The following ASPRV1 variants were observed in gnomAD, a reference collection of about 807,000 sequenced individuals.
The protein encoded by ASPRV1 is aspartic peptidase retroviral like 1, also known as retroviral-like aspartic protease 1.
ASPRV1 carries 7 observed loss-of-function variants against 11.0 expected under a neutral mutation model. The ratio of observed to expected loss-of-function variants is 0.64; its 90% confidence interval spans 0.36 to 1.20. The LOEUF is 1.20. Ranked by LOEUF, ASPRV1 falls within the 50% of genes most tolerant of loss-of-function variation. The probability of loss-of-function intolerance (pLI) is 0.02; values close to 1 mark genes in which losing one functional copy is unlikely to be tolerated. For missense variants in ASPRV1, 299 were observed against 320.0 expected, an observed-to-expected ratio of 0.93 and a Z score of 0.50; for synonymous variants, 136 against 138.4, an observed-to-expected ratio of 0.98 and a Z score of 0.12.
the ASPRV1 span, chr2:70,077,295 T>C: frequency 6.6e-6 from 1 of 152,322 alleles, no homozygotes; most frequent in Admixed American, 6.5e-5. Flanking sequence ...AGGGTTGTTT[T>C]CTTACCTAGC....
the ASPRV1 span, among the ~76,000 whole-genome samples, chr2:69,990,912 G>A: frequency 6.6e-6 from 1 of 152,226 alleles, no homozygotes; most frequent in South Asian, 2.1e-4. Context: ...GGTGTACCCT[G>A]GCAGAGAGGC....
At position 69,960,597 on chromosome 2, in the gene ASPRV1, C is replaced by A. The variant is rs902482505; in HGVS notation, c.*60G>T. The stretch of plus-strand genomic sequence containing the variant: ...AGTGACCCCCATGAGGATATGCAAC[C>A]CCCCCCACAGCGGTGGGTCTTCCCA... On this transcript the variant is annotated 3_prime_UTR_variant, in exon 1 of 1. Transcript: ENST00000320256. 7.3e-6 allele frequency: 11 copies of A among 1,516,066 alleles called. No individual in the cohort carries two copies. The highest frequency in any genetic ancestry group is 8.9e-6 in the Non-Finnish European group (10 of 1,125,146). The allele number at this position is 1,516,066 out of a possible 1,614,324, so 93.9% of individuals were successfully genotyped here. A position where few individuals can be genotyped will look rare whatever the true frequency, so the allele number is the denominator to read the frequency against.
chr2:70,079,700 A>G, the ASPRV1 span, among the ~76,000 whole-genome samples: 1 of 152,358 alleles, frequency 6.6e-6, no homozygotes, highest in East Asian at 1.9e-4. Flanking sequence ...CTGAGATATC[A>G]AGAATAAAAA....
chr2:70,043,145 ACTC>A, the ASPRV1 span, among the ~76,000 whole-genome samples: 1 of 152,074 alleles, frequency 6.6e-6, no homozygotes, highest in Non-Finnish European at 1.5e-5. Flanking sequence ...CTTTGGAAGA[ACTC>A]AGGCCAAAAA....
chr2:70,015,580 A>C, the ASPRV1 span: 1 of 152,350 alleles, frequency 6.6e-6, no homozygotes, highest in Admixed American at 6.5e-5. Context: ...CCAAGGGACA[A>C]CTGTAAATAC....
At chr2:70,056,106 G>A in the ASPRV1 span, 17 of 152,054 alleles carry the variant, frequency 1.1e-4, no homozygotes, top group East Asian at 7.7e-4. Flanking sequence ...CAAAAATACC[G>A]TATAACTCTA....
At chr2:69,938,437 A>G in the ASPRV1 span, 1 of 733,172 alleles carries the variant, frequency 1.4e-6, no homozygotes, top group Non-Finnish European at 2.2e-6. Context: ...GGAGGTGCTT[A>G]GGATTGTGGG....
the ASPRV1 span, among the ~76,000 whole-genome samples, chr2:70,063,605 C>A: frequency 6.6e-6 from 1 of 152,022 alleles, no homozygotes; most frequent in Non-Finnish European, 1.5e-5. Flanking sequence ...GGGAGTTGAA[C>A]CTGACATATT....
the ASPRV1 span, among the ~76,000 whole-genome samples, chr2:70,010,250 G>A: frequency 6.6e-6 from 1 of 152,064 alleles, no homozygotes; most frequent in Non-Finnish European, 1.5e-5. Context: ...AAGCTCTAAG[G>A]ACGTGATAAG....
chr2:69,982,768 G>A, the ASPRV1 span, among the ~76,000 whole-genome samples: 6 of 152,144 alleles, frequency 3.9e-5, no homozygotes, highest in African/African-American at 1.2e-4. Context: ...CAAAACCTTA[G>A]GCCTCTGAAG....
the ASPRV1 span, among the ~76,000 whole-genome samples, chr2:69,989,999 C>G: frequency 6.6e-6 from 1 of 152,228 alleles, no homozygotes; most frequent in Non-Finnish European, 1.5e-5. Flanking sequence ...CTTCATTTAA[C>G]TCTTTTAACC....
the ASPRV1 span, among the ~76,000 whole-genome samples, chr2:69,995,942 A>C: frequency 6.6e-6 from 1 of 152,154 alleles, no homozygotes; most frequent in Non-Finnish European, 1.5e-5. Context: ...TTAAGAACCA[A>C]GGCCTCCTCC....
chr2:70,001,892 T>C, the ASPRV1 span, among the ~76,000 whole-genome samples: 1 of 152,094 alleles, frequency 6.6e-6, no homozygotes, highest in Non-Finnish European at 1.5e-5. Context: ...CATAGTGAAA[T>C]ATAAGCGATC....
the ASPRV1 span, among the ~76,000 whole-genome samples, chr2:70,023,761 C>G: frequency 1.1e-4 from 16 of 150,922 alleles, no homozygotes; most frequent in Admixed American, 1.1e-3. Context: ...TTTTAAAAGT[C>G]CTTTTTTCTA....
downstream of ASPRV1, among the ~76,000 whole-genome samples, chr2:69,955,253 C>T (rs916230204): frequency 6.6e-6 from 1 of 152,194 alleles, no homozygotes; most frequent in African/African-American, 2.4e-5. Flanking sequence ...CTGGCCCTTC[C>T]CTCGCATGGC....
chr2:69,994,072 G>A, the ASPRV1 span: 1 of 152,246 alleles, frequency 6.6e-6, no homozygotes, highest in Non-Finnish European at 1.5e-5. Context: ...TCCAAAGGCA[G>A]ATGGGGCCAA....
At chr2:69,990,545 A>G in the ASPRV1 span, among the ~76,000 whole-genome samples, 14,086 of 152,058 alleles carry the variant, frequency 0.093, 841 homozygotes, top group Non-Finnish European at 0.14. Context: ...TTGTGTGATC[A>G]GGGCTTACTG....
downstream of ASPRV1, among the ~76,000 whole-genome samples, chr2:69,956,189 T>G (rs1677931892): frequency 6.6e-6 from 1 of 152,142 alleles, no homozygotes; most frequent in South Asian, 2.1e-4. Flanking sequence ...AAATAATGAT[T>G]GTAAATGAGT....
chr2:69,967,171 G>A, the ASPRV1 span, among the ~76,000 whole-genome samples: 4 of 152,170 alleles, frequency 2.6e-5, no homozygotes, highest in African/African-American at 7.2e-5. Flanking sequence ...GGCCAACACC[G>A]CCTCACTTGG....
Sources: gnomAD v4.1 joint callset for allele counts (sites outside exome capture counted in the v4.1 genomes callset) on GRCh38, gnomAD v4.1.1 for gene constraint, MANE v1.5 for transcripts, NCBI Gene and HGNC (gene_info 2026-07-23, HGNC 2026-07-21) for gene names.